Variants in PPARGC1A observed in about 807,000 individuals in gnomAD.
PPARGC1A encodes PPARG coactivator 1 alpha, also known as peroxisome proliferator-activated receptor gamma coactivator 1-alpha.
Under a neutral mutation model 88.7 loss-of-function variants are expected in PPARGC1A, and 25 were observed. The ratio of observed to expected loss-of-function variants is 0.28; its 90% CI spans 0.21 to 0.39. The LOEUF is 0.39. Among genes scored for constraint, PPARGC1A ranks in the 10% least tolerant of loss-of-function variants. The pLI is 1.00. For missense variants in PPARGC1A, 880 were observed against 968.7 expected, an observed-to-expected ratio of 0.91 and a Z score of 1.22; for synonymous variants, 363 against 355.6, an observed-to-expected ratio of 1.02 and a Z score of -0.24.
chr4:24,075,765 A>G, the PPARGC1A span, among the ~76,000 whole-genome samples: 1 of 152,064 alleles, frequency 6.6e-6, no homozygotes, highest in Non-Finnish European at 1.5e-5. Context: ...GCCTTCTGCC[A>G]TGATTGTGAG....
the PPARGC1A span, among the ~76,000 whole-genome samples, chr4:24,026,462 A>G: frequency 6.6e-6 from 1 of 152,178 alleles, no homozygotes; most frequent in Non-Finnish European, 1.5e-5. Flanking sequence ...CTATAGAATA[A>G]AGAGTATGCA....
intron 2 of PPARGC1A, among the ~76,000 whole-genome samples, chr4:23,876,498 T>C (rs905057776): frequency 6.6e-6 from 1 of 152,192 alleles, no homozygotes. Context: ...CTATGCATAT[T>C]GTGTGAGGAG....
At chr4:24,263,863 C>T in the PPARGC1A span, among the ~76,000 whole-genome samples, 1 of 152,176 alleles carries the variant, frequency 6.6e-6, no homozygotes, top group Admixed American at 6.5e-5. Context: ...GATCCTCCCA[C>T]CTCAGCCTCC....
At chr4:24,069,085 A>C in the PPARGC1A span, among the ~76,000 whole-genome samples, 1 of 152,194 alleles carries the variant, frequency 6.6e-6, no homozygotes, top group Non-Finnish European at 1.5e-5. Context: ...TAACTCAATG[A>C]AAGTTTTAAC....
intron 5 of PPARGC1A, among the ~76,000 whole-genome samples, chr4:23,826,737 T>A (rs373607058): frequency 6.6e-6 from 1 of 152,316 alleles, no homozygotes; most frequent in Middle Eastern, 3.4e-3. Context: ...ACAGGTTTTG[T>A]TCTGGGGTGA....
the PPARGC1A span, among the ~76,000 whole-genome samples, chr4:24,457,039 A>T: frequency 6.6e-6 from 1 of 152,226 alleles, no homozygotes; most frequent in Non-Finnish European, 1.5e-5. Context: ...AGTAACAGGG[A>T]TACAATAAGA....
the PPARGC1A span, among the ~76,000 whole-genome samples, chr4:24,351,742 C>T: frequency 6.6e-6 from 1 of 151,910 alleles, no homozygotes; most frequent in Non-Finnish European, 1.5e-5. Flanking sequence ...CGTCATGGTA[C>T]AGAAACATAC....
the PPARGC1A span, among the ~76,000 whole-genome samples, chr4:24,148,359 G>C: frequency 6.6e-6 from 1 of 152,052 alleles, no homozygotes; most frequent in African/African-American, 2.4e-5. Context: ...CTCTAATCCT[G>C]CCTGTTCTTC....
At chr4:24,172,421 C>A in the PPARGC1A span, among the ~76,000 whole-genome samples, 371 of 152,324 alleles carry the variant, frequency 2.4e-3, 1 homozygote, top group African/African-American at 8.5e-3. Flanking sequence ...GGGGAACACA[C>A]AGATGCATCA....
At chr4:24,122,839 T>C in the PPARGC1A span, among the ~76,000 whole-genome samples, 5 of 152,210 alleles carry the variant, frequency 3.3e-5, no homozygotes, top group Admixed American at 1.3e-4. Context: ...GAACAGCCCT[T>C]AGAAAGGCCC....
the PPARGC1A span, among the ~76,000 whole-genome samples, chr4:23,944,148 C>T: frequency 6.6e-6 from 1 of 152,046 alleles, no homozygotes. Flanking sequence ...GACAAGCACG[C>T]CACAGTAATA....
chr4:24,196,416 A>G, the PPARGC1A span, among the ~76,000 whole-genome samples: 2 of 152,260 alleles, frequency 1.3e-5, no homozygotes, highest in Non-Finnish European at 2.9e-5. Context: ...TTTAAACATC[A>G]GCTAAAGAGA....
the PPARGC1A span, among the ~76,000 whole-genome samples, chr4:24,347,240 T>A: frequency 0.024 from 3,642 of 152,244 alleles, 152 homozygotes; most frequent in African/African-American, 0.084. Context: ...GTGTATTCTG[T>A]GGTTGCTGGA....
the PPARGC1A span, among the ~76,000 whole-genome samples, chr4:24,104,396 C>G: frequency 2.0e-5 from 3 of 152,152 alleles, no homozygotes; most frequent in African/African-American, 4.8e-5. Flanking sequence ...ACCTTTCCCC[C>G]ACTTGGGCTC....
chr4:24,366,352 T>C, the PPARGC1A span, among the ~76,000 whole-genome samples: 3 of 152,234 alleles, frequency 2.0e-5, no homozygotes, highest in Non-Finnish European at 2.9e-5. Context: ...TTATTGACTT[T>C]GTTCAATTTA....
the PPARGC1A span, among the ~76,000 whole-genome samples, chr4:24,245,243 C>G: frequency 9.9e-5 from 15 of 152,176 alleles, no homozygotes; most frequent in Admixed American, 6.5e-5. Context: ...ACTGTGTACC[C>G]CAAGGTTACT....
chr4:24,457,606 C>T, the PPARGC1A span, among the ~76,000 whole-genome samples: 315 of 152,202 alleles, frequency 2.1e-3, 2 homozygotes, highest in African/African-American at 7.0e-3. Flanking sequence ...AGTGCAGTGG[C>T]GCAAACTCGG....
the PPARGC1A span, among the ~76,000 whole-genome samples, chr4:24,095,056 G>C: frequency 1.3e-5 from 2 of 150,890 alleles, no homozygotes; most frequent in Non-Finnish European, 2.9e-5. Flanking sequence ...ATAACTAAAT[G>C]TATGTGGGAG....
At chr4:24,331,216 C>T in the PPARGC1A span, among the ~76,000 whole-genome samples, 33 of 152,346 alleles carry the variant, frequency 2.2e-4, no homozygotes, top group African/African-American at 7.2e-4. Flanking sequence ...ACCCTCCAGC[C>T]ATACTGGCCA....
Sources: allele counts gnomAD v4.1 joint callset (sites outside exome capture counted in the v4.1 genomes callset), GRCh38; gene constraint gnomAD v4.1.1; transcripts MANE v1.5; gene names NCBI Gene and HGNC (gene_info 2026-07-23, HGNC 2026-07-21).